The following LRRC56 variants were observed in gnomAD, a reference collection of about 807,000 sequenced individuals.
LRRC56 encodes the protein leucine-rich repeat-containing protein 56.
In LRRC56, 41 loss-of-function variants were observed where a neutral mutation model predicts 47.8. The observed-to-expected ratio is 0.86, with a 90% CI of 0.67 to 1.11. The LOEUF (loss-of-function observed/expected upper bound fraction) is 1.11. Among genes scored for constraint, LRRC56 ranks in the 50% most tolerant of loss-of-function variants. The probability of loss-of-function intolerance (pLI) is 0.00; values close to 1 mark genes in which losing one functional copy is unlikely to be tolerated. For synonymous variants in LRRC56, 387 were observed against 311.2 expected (o/e 1.24, Z -2.56); for missense variants, 759 against 704.2 (o/e 1.08, Z -0.88).
rs1356637187 is a variant in LRRC56, at chr11:552,122, C to G, written c.1071C>G (p.His357Gln). The change falls in exon 12 of 14, where the codon CAC becomes CAG. Residue 357 changes from histidine (H) to glutamine (Q), a missense_variant. Coordinates refer to ENST00000270115, the MANE Select transcript of LRRC56 (RefSeq NM_198075.4). ...AREPPEQLPQ[H>Q]RPGDPAASTS... ...AGCCCCCCGAGCAGCTGCCCCAACA[C>G]AGGCCAGGAGATCCGGCCGCCAGCA... The G allele has an allele frequency of 1.2e-6, 2 of 1,612,492 alleles. No homozygotes were observed. The highest frequency in any genetic ancestry group is 2.2e-5 in the East Asian group (1 of 44,880).
chr11:553,217 A>T lies in LRRC56; in HGVS notation c.1315+515A>T, dbSNP rs188723594. On this transcript the variant is annotated intron_variant, in intron 13 of 13. Transcript: ENST00000270115. The stretch of plus-strand genomic sequence containing the variant: ...CCATGCAGTGCCCTTTACGAAGGAC[A>T]CTGACTTCAGTGTGATCACAGCTGC... Among the ~76,000 whole-genome samples the T allele has an allele frequency of 3.2e-3, 493 of 152,300 alleles. 2 individuals are homozygous for T. Among genetic ancestry groups the T allele is most frequent in the African/African-American group, 0.011 (459 of 41,550 alleles).
rs532870056 is a variant in LRRC56 at position 545,609 on chromosome 11, G to C, written c.326+829G>C. Among the ~76,000 whole-genome samples the C allele has an allele frequency of 4.8e-4, 73 of 152,284 alleles. 1 individual carries two copies. Among genetic ancestry groups the C allele is most frequent in the African/African-American group, 1.5e-3 (63 of 41,550 alleles). ...CAGCAGAGCCTGTGTACAGAACCCG[G>C]ACCAGCTCCCAGGAGAAGCACAGGA... On this transcript the variant is annotated intron_variant, in intron 6 of 13. Coordinates refer to ENST00000270115, the MANE Select transcript of LRRC56 (RefSeq NM_198075.4).
rs1207495553 is a variant in LRRC56 at position 540,543 on chromosome 11, C to A, written c.-11-131C>A. 1.2e-4 allele frequency: 68 copies of A among 569,410 alleles called. No individual in the cohort carries two copies. The African/African-American group carries it at 2.9e-3, about 25-fold the overall frequency. The allele number at this position is 569,410 out of a possible 1,614,324, so 35.3% of individuals were successfully genotyped here. A position where few individuals can be genotyped will look rare whatever the true frequency, so the allele number is the denominator to read the frequency against. ...CCAAGCTAGGAGCCTTCTCTAGGCTCGGGGTGGGGGTGGGTGCCAAGGGCT... is the reference window on the plus strand; with the variant it reads ...CCAAGCTAGGAGCCTTCTCTAGGCTAGGGGTGGGGGTGGGTGCCAAGGGCT... On this transcript the variant is annotated intron_variant, in intron 3 of 13. Transcript: ENST00000270115.
rs770865644 is a variant in LRRC56, at chr11:551,133, G to T, written c.627G>T (p.Val209=). Residue 209 remains valine (V), a splice_region_variant and synonymous_variant, in exon 9 of 14, where the codon GTG becomes GTT. Coordinates refer to ENST00000270115, the MANE Select transcript of LRRC56 (RefSeq NM_198075.4). ...LQPAPGPTNK[V]PRGYNYRAEV... is the part of the protein sequence containing the mutation. The stretch of plus-strand genomic sequence containing the variant: ...TCCCCCTCCCCCTCCCCCTGCAGGT[G>T]CCCAGGGGCTACAACTACAGGGCAG... 2.1e-6 allele frequency: 3 copies of T among 1,445,082 alleles called. No individual in the cohort carries two copies. The African/African-American group carries it at 4.3e-5, about 21-fold the overall frequency. 89.5% of individuals were successfully genotyped at this position (1,445,082 alleles called of 1,614,324 possible).
chr11:553,104 G>A (rs1027808089), intron 13 of LRRC56, among the ~76,000 whole-genome samples: 2 of 152,168 alleles, frequency 1.3e-5, no homozygotes, highest in Admixed American at 1.3e-4. Context: ...AGGAAAGGCG[G>A]CCAGCAGCCC....
At chr11:509,458 A>G in the LRRC56 span, among the ~76,000 whole-genome samples, 11 of 152,302 alleles carry the variant, frequency 7.2e-5, no homozygotes, top group African/African-American at 2.4e-4. Context: ...CCAGGTATGT[A>G]TAGGTGCTGA....
rs948711352 is a variant in LRRC56, at chr11:540,776, C to T, written c.92C>T (p.Pro31Leu). The T allele has an allele frequency of 5.0e-6, 8 of 1,609,996 alleles. No individual in the cohort carries two copies. The highest frequency in any genetic ancestry group is 6.8e-6 in the Non-Finnish European group (8 of 1,178,870). Reference sequence around the variant, plus strand: ...CTGAGCTGGCAAGGCCTGCACAACCCCTGCCCACAGAGCAAGGGCCCTGGC... The same window carrying T: ...CTGAGCTGGCAAGGCCTGCACAACCTCTGCCCACAGAGCAAGGGCCCTGGC... ...RELSWQGLHN[P>L]CPQSKGPGSQ... Residue 31 changes from proline (P) to leucine (L), a missense_variant, in exon 4 of 14, where the codon CCC becomes CTC. Coordinates refer to ENST00000270115, the MANE Select transcript of LRRC56 (RefSeq NM_198075.4).
chr11:540,346 G>A (rs1051170154), intron 3 of LRRC56, among the ~76,000 whole-genome samples: 1 of 152,330 alleles, frequency 6.6e-6, no homozygotes, highest in Non-Finnish European at 1.5e-5. Flanking sequence ...CAGCCCCTGT[G>A]GGCCTCAGGT....
At chr11:515,959 C>G in the LRRC56 span, among the ~76,000 whole-genome samples, 1 of 152,210 alleles carries the variant, frequency 6.6e-6, no homozygotes, top group Non-Finnish European at 1.5e-5. Flanking sequence ...ATTCTCCTTT[C>G]TCTGCTGAAT....
the LRRC56 span, among the ~76,000 whole-genome samples, chr11:509,907 C>T: frequency 1.6e-4 from 25 of 151,924 alleles, no homozygotes; most frequent in Admixed American, 1.6e-3. Context: ...TTACTCAGTT[C>T]ACCCACTGTG....
At chr11:515,727 A>C in the LRRC56 span, among the ~76,000 whole-genome samples, 4 of 151,988 alleles carry the variant, frequency 2.6e-5, no homozygotes, top group Non-Finnish European at 5.9e-5. Context: ...AATCCCAGCT[A>C]CTCCAGAGGC....
In LRRC56 at chr11:552,637, T is replaced by C. The variant is rs1477505099; in HGVS notation, c.1250T>C (p.Val417Ala). Reference sequence around the variant, plus strand: ...GTAGCCCCCTGGGGCCCACGGAGGGTCCCTGAAGAGCAAGTGCACCAGGCA... The same window carrying C: ...GTAGCCCCCTGGGGCCCACGGAGGGCCCCTGAAGAGCAAGTGCACCAGGCA... ...GAVAPWGPRR[V>A]PEEQVHQAEP... The change falls in exon 13 of 14, where the codon GTC (valine) becomes GCC (alanine). Residue 417 changes from valine (V) to alanine (A), a missense_variant. Physicochemically the swap from Val to Ala is moderately conservative, Grantham distance 64 (BLOSUM62 0). Coordinates refer to ENST00000270115, the MANE Select transcript of LRRC56 (RefSeq NM_198075.4). The C allele has an allele frequency of 6.2e-7, 1 of 1,610,638 alleles. No individual in the cohort carries two copies. Among genetic ancestry groups the C allele is most frequent in the Admixed American group, 1.7e-5 (1 of 59,870 alleles).
At chr11:519,204 A>T in the LRRC56 span, among the ~76,000 whole-genome samples, 1 of 152,252 alleles carries the variant, frequency 6.6e-6, no homozygotes. Context: ...AGCCGCGCGC[A>T]TTCCTTAGAT....
chr11:548,241 G>A (rs551785535), intron 6 of LRRC56, among the ~76,000 whole-genome samples: 4 of 152,340 alleles, frequency 2.6e-5, no homozygotes, highest in Admixed American at 6.5e-5. Context: ...CTGGCATGAA[G>A]ATAAAGGTAA....
At chr11:532,239 A>G in the LRRC56 span, 2 of 384,182 alleles carry the variant, frequency 5.2e-6, no homozygotes, top group Non-Finnish European at 9.8e-6. Context: ...CCGAAAACCA[A>G]GATCAAGACC....
At chr11:538,035 G>T (rs1050268506) in intron 1 of LRRC56, among the ~76,000 whole-genome samples, 1 of 152,178 alleles carries the variant, frequency 6.6e-6, no homozygotes, top group Non-Finnish European at 1.5e-5. Flanking sequence ...ACCAATTTGG[G>T]GAGCATGGGG....
At position 554,511 on chromosome 11, in the gene LRRC56, T is replaced by C. The variant is rs1273413858; in HGVS notation, c.*235T>C. On this transcript the variant is annotated 3_prime_UTR_variant, in exon 14 of 14. Coordinates refer to ENST00000270115, the MANE Select transcript of LRRC56 (RefSeq NM_198075.4). The stretch of plus-strand genomic sequence containing the variant: ...TTGGCCTGGGGAGGGAGGGTCCGGC[T>C]CCCCAGCCCTTCCTTAGGGCCAGGC... 2.7e-6 allele frequency: 1 copy of C among 375,794 alleles called. No individual in the cohort carries two copies. Among genetic ancestry groups the C allele is most frequent in the Admixed American group, 4.9e-5 (1 of 20,408 alleles). 23.3% of individuals were successfully genotyped at this position (375,794 alleles called of 1,614,324 possible).
chr11:547,543 G>A (rs1397518939), intron 6 of LRRC56, among the ~76,000 whole-genome samples: 1 of 150,082 alleles, frequency 6.7e-6, no homozygotes, highest in Non-Finnish European at 1.5e-5. Context: ...TAGTAGAGAC[G>A]AGGTTTCACC....
chr11:518,814 C>T, the LRRC56 span, among the ~76,000 whole-genome samples: 1 of 151,828 alleles, frequency 6.6e-6, no homozygotes, highest in African/African-American at 2.4e-5. Flanking sequence ...TGGATGTGGC[C>T]GGCGGCGCGC....
Sources: gnomAD v4.1 joint callset for allele counts (sites outside exome capture counted in the v4.1 genomes callset) on GRCh38, gnomAD v4.1.1 for gene constraint, MANE v1.5 for transcripts, NCBI Gene and HGNC (gene_info 2026-07-23, HGNC 2026-07-21) for gene names.